CIITA: variants seen among roughly 807,000 people sequenced by gnomAD.
CIITA encodes the protein MHC class II transactivator.
CIITA carries 72 observed loss-of-function variants against 115.1 expected under a neutral mutation model. The ratio of observed to expected loss-of-function variants is 0.63; its 90% confidence interval spans 0.52 to 0.76. The LOEUF (loss-of-function observed/expected upper bound fraction) is 0.76, where lower values mean the gene tolerates loss of function less well. CIITA is among the 30% of genes least tolerant of loss of function. The probability of loss-of-function intolerance (pLI) is 0.00; values close to 1 mark genes in which losing one functional copy is unlikely to be tolerated. For missense variants in CIITA, 1,617 were observed against 1,463.8 expected, an observed-to-expected ratio of 1.10 and a Z score of -1.71; for synonymous variants, 763 against 635.6, an observed-to-expected ratio of 1.20 and a Z score of -3.02.
At chr16:10,870,069 T>A (rs1284674222) in intron 1 of CIITA, among the ~76,000 whole-genome samples, 1 of 103,242 alleles carries the variant, frequency 9.7e-6, no homozygotes, top group Non-Finnish European at 1.9e-5. Flanking sequence ...TACCAATGAG[T>A]AAACTGAGGC....
At chr16:10,873,692 G>T (rs1229063324), upstream of CIITA, among the ~76,000 whole-genome samples, 1 of 152,172 alleles carries the variant, frequency 6.6e-6, no homozygotes, top group East Asian at 1.9e-4. Context: ...TTACTTGGAA[G>T]ACCTAGTTAC....
At chr16:10,908,312 G>A in intron 11 of CIITA, 163 bp downstream of exon 11, 1 of 878,100 alleles carries the variant, frequency 1.1e-6, no homozygotes, top group Non-Finnish European at 1.8e-6. Context: ...GAGGCTCAGA[G>A]AGGGGCAGCC....
intron 11 of CIITA, 194 bp downstream of exon 11, chr16:10,908,343 G>A: frequency 2.8e-6 from 2 of 725,510 alleles, no homozygotes; most frequent in Non-Finnish European, 4.9e-6. Flanking sequence ...CAGCAAGTGA[G>A]AGGCAATGGC....
At position 10,941,640 on chromosome 16, in the gene CIITA, C is replaced by T; in HGVS notation, n.766C>T. The stretch of plus-strand genomic sequence containing the variant: ...TCCAGATGGTGCCCCCAACCAGCTG[C>T]GGCGGCATGATCTGGGCGGCTGGTC... On this transcript the variant is annotated non_coding_transcript_exon_variant, in exon 2 of 2. Coordinates refer to the CIITA transcript ENST00000573379. The surrounding 1 kb of genome is among the most constrained non-coding windows in gnomAD (Gnocchi z 6.4). 1 of 1,528,810 alleles carries T rather than the reference C, an allele frequency of 6.5e-7. No individual in the cohort carries two copies. Among genetic ancestry groups the T allele is most frequent in the Non-Finnish European group, 8.8e-7 (1 of 1,138,016 alleles). 94.7% of individuals were successfully genotyped at this position (1,528,810 alleles called of 1,614,324 possible).
intron 12 of CIITA, among the ~76,000 whole-genome samples, 172 bp from the exon 13 acceptor site, chr16:10,910,016 C>T (rs745466307): frequency 6.6e-5 from 10 of 151,506 alleles, no homozygotes; most frequent in African/African-American, 1.5e-4. Context: ...ACTACAGTCA[C>T]GAGGCACCGC....
At chr16:10,921,133 T>G (rs954185472) in intron 16 of CIITA, among the ~76,000 whole-genome samples, 1 of 152,164 alleles carries the variant, frequency 6.6e-6, no homozygotes, top group Non-Finnish European at 1.5e-5. Flanking sequence ...CTCCAAAGTG[T>G]TAGGATTACA....
In CIITA at chr16:10,902,749, C is replaced by A. The variant is rs773842701; in HGVS notation, c.720C>A (p.Leu240=). 1.2e-6 allele frequency: 2 copies of A among 1,614,106 alleles called. No homozygotes were observed. Among genetic ancestry groups the A allele is most frequent in the South Asian group, 1.1e-5 (1 of 91,094 alleles). ...CCATCTCCACTCTGCCCCATGGGCT[C>A]TGGCAAATCTCTGAGGCTGGAACAG... The part of the protein sequence containing the change: ...VPTISTLPHG[L]WQISEAGTGV... The change falls in exon 8 of 20, where the codon CTC becomes CTA. Residue 240 remains leucine (L), a synonymous_variant. Coordinates refer to ENST00000324288, the MANE Select transcript of CIITA (RefSeq NM_000246.4).
intron 3 of CIITA, among the ~76,000 whole-genome samples, chr16:10,897,218 C>T (rs562546859): frequency 7.2e-5 from 11 of 152,306 alleles, no homozygotes; most frequent in African/African-American, 2.6e-4. Flanking sequence ...TTAGGGGCTG[C>T]ATCTGGTGAG....
In CIITA at chr16:10,923,946, G is replaced by C. The variant is rs1027673221; in HGVS notation, c.*91G>C. On this transcript the variant is annotated 3_prime_UTR_variant, in exon 20 of 20. Transcript: ENST00000324288. This position sits in a 1 kb window ranked among gnomAD's most constrained non-coding sequence, Gnocchi z 5.2. ...TACTTGTGGACACAGCTCTTCTCCA[G>C]GCTGTATCCCATGAGCCTCAGCATC... 6.5e-6 allele frequency: 1 copy of C among 153,452 alleles called. No homozygotes were observed. The highest frequency in any genetic ancestry group is 1.5e-5 in the Non-Finnish European group (1 of 68,664). The allele number at this position is 153,452 out of a possible 1,614,324, so 9.5% of individuals were successfully genotyped here.
intron 1 of CIITA, among the ~76,000 whole-genome samples, chr16:10,872,136 T>G (rs1372912674): frequency 6.6e-6 from 1 of 151,892 alleles, no homozygotes; most frequent in African/African-American, 2.4e-5. Context: ...TTTTTTTGGG[T>G]GGGGGGGACA....
intron 1 of CIITA, among the ~76,000 whole-genome samples, chr16:10,894,340 T>G (rs929835377): frequency 3.3e-5 from 5 of 152,230 alleles, no homozygotes; most frequent in Non-Finnish European, 7.3e-5. Flanking sequence ...ATAAGCAACA[T>G]TTTGTTTATC....
rs769190445 is a variant in CIITA at position 10,907,454 on chromosome 16, C to T, written c.1962C>T (p.Pro654=). 4.3e-6 allele frequency: 7 copies of T among 1,613,190 alleles called. No individual in the cohort carries two copies. The highest frequency in any genetic ancestry group is 2.7e-5 in the African/African-American group (2 of 74,910). The change falls in exon 11 of 20, where the codon CCC becomes CCT. Residue 654 remains proline (P), a synonymous_variant. Transcript: ENST00000324288. The surrounding 1 kb of genome is among the most constrained non-coding windows in gnomAD (Gnocchi z 5.0). ...GCCGTGCAGCCCTCGACAGCCCCCC[C>T]GGGGCCCTGGCAGAGCTGGCCAAGC... The part of the protein sequence containing the change: ...LLGRAALDSP[P]GALAELAKLA...
chr16:10,900,369 C>T (rs1323412970), intron 5 of CIITA, among the ~76,000 whole-genome samples: 1 of 152,190 alleles, frequency 6.6e-6, no homozygotes, highest in African/African-American at 2.4e-5. Context: ...TCTTCAGCAG[C>T]TTCTTTATTT....
intron 1 of CIITA, among the ~76,000 whole-genome samples, chr16:10,890,182 CG>C (rs2037412816): frequency 6.6e-6 from 1 of 151,996 alleles, no homozygotes; most frequent in Non-Finnish European, 1.5e-5. Context: ...GAGCCAATGA[CG>C]CAGATCTTAG....
At chr16:10,916,673 G>A (rs1279170643) in intron 15 of CIITA, 1 of 586,026 alleles carries the variant, frequency 1.7e-6, no homozygotes, top group Non-Finnish European at 3.1e-6. Flanking sequence ...TTATAGGTGT[G>A]ACTTACCATG....
chr16:10,888,764 C>G (rs1041030948), intron 1 of CIITA: 3 of 152,262 alleles, frequency 2.0e-5, no homozygotes, highest in African/African-American at 7.2e-5. Flanking sequence ...CTGCCCTGCC[C>G]CCACATGGCT....
rs750567359 is a variant in CIITA at position 10,906,630 on chromosome 16, C to G, written c.1138C>G (p.Arg380Gly). Residue 380 changes from arginine (R) to glycine (G), a missense_variant, in exon 11 of 20, where the codon CGG becomes GGG. By Grantham distance (125) the Arg-to-Gly change is moderately radical. Coordinates refer to ENST00000324288, the MANE Select transcript of CIITA (RefSeq NM_000246.4). ...GAGGAGCAGCAGCAAGAGCCTGGAG[C>G]GGGAACTGGCCACCCCGGACTGGGC... ...LERSSSKSLE[R>G]ELATPDWAER... The G allele has an allele frequency of 5.0e-6, 8 of 1,613,698 alleles. No homozygotes were observed. In the Admixed American group the frequency reaches 1.0e-4, roughly 20 times the overall value.
chr16:10,896,915 G>A (rs2038186758), intron 3 of CIITA, among the ~76,000 whole-genome samples: 2 of 152,228 alleles, frequency 1.3e-5, no homozygotes, highest in South Asian at 4.1e-4. Context: ...GAGCTTGACT[G>A]CTTCCTTCCC....
intron 1 of CIITA, among the ~76,000 whole-genome samples, chr16:10,891,179 T>G (rs1481080000): frequency 6.6e-6 from 1 of 151,980 alleles, no homozygotes; most frequent in Admixed American, 6.5e-5. Flanking sequence ...ATACCACCTG[T>G]GTCTCTATGC....
Sources: gnomAD v4.1 joint callset for allele counts (sites outside exome capture counted in the v4.1 genomes callset) on GRCh38, gnomAD v4.1.1 for gene constraint, Gnocchi (gnomAD v3.1) non-coding constraint, MANE v1.5 for transcripts, NCBI Gene and HGNC (gene_info 2026-07-23, HGNC 2026-07-21) for gene names.